KIF6: variants seen among roughly 807,000 people sequenced by gnomAD.
The protein encoded by KIF6 is kinesin-like protein KIF6.
Under a neutral mutation model 112.7 loss-of-function variants are expected in KIF6, and 106 were observed. That is an observed-to-expected ratio of 0.94 (90% CI 0.80 to 1.11). The LOEUF (loss-of-function observed/expected upper bound fraction) is 1.11. Among genes scored for constraint, KIF6 ranks in the 50% least tolerant of loss-of-function variants. KIF6 has a pLI of 0.00. For synonymous variants in KIF6, 339 were observed against 339.9 expected (o/e 1.00, Z 0.03); for missense variants, 929 against 964.0 (o/e 0.96, Z 0.48).
chr6:39,444,102 G>A (rs1772149182), intron 13 of KIF6, among the ~76,000 whole-genome samples: 1 of 152,120 alleles, frequency 6.6e-6, no homozygotes, highest in African/African-American at 2.4e-5. Context: ...CAATAACCGA[G>A]TCAACTAGGT....
chr6:39,349,340 AGATG>A (rs1764035518), intron 19 of KIF6, among the ~76,000 whole-genome samples: 1 of 152,152 alleles, frequency 6.6e-6, no homozygotes, highest in Non-Finnish European at 1.5e-5. Flanking sequence ...ACTCTCTCGG[AGATG>A]CCGGCGGATA....
chr6:39,502,757 C>T (rs139313595), intron 13 of KIF6, among the ~76,000 whole-genome samples: 231 of 152,232 alleles, frequency 1.5e-3, no homozygotes, highest in African/African-American at 5.0e-3. Flanking sequence ...AAGGGCATTA[C>T]GTAATGGTTA....
chr6:39,576,634 C>T (rs1780990050), intron 10 of KIF6, among the ~76,000 whole-genome samples: 1 of 152,158 alleles, frequency 6.6e-6, no homozygotes, highest in Admixed American at 6.5e-5. Flanking sequence ...TCAGTGGCTG[C>T]AGCGGCTGTC....
chr6:39,543,348 C>A (rs983913230), intron 12 of KIF6, among the ~76,000 whole-genome samples: 1 of 152,010 alleles, frequency 6.6e-6, no homozygotes, highest in Admixed American at 6.6e-5. Flanking sequence ...ACACCATGGG[C>A]AGCACTGACG....
chr6:39,347,755 TCTCA>T (rs1162724798), intron 19 of KIF6, among the ~76,000 whole-genome samples: 1 of 152,144 alleles, frequency 6.6e-6, no homozygotes, highest in African/African-American at 2.4e-5. Context: ...AAACTGCGTG[TCTCA>T]CTCATGAGTA....
chr6:39,551,871 A>G (rs1234085391), intron 10 of KIF6, among the ~76,000 whole-genome samples: 1 of 152,200 alleles, frequency 6.6e-6, no homozygotes, highest in Non-Finnish European at 1.5e-5. Flanking sequence ...TCTTTACACT[A>G]TTAGCTTTAC....
At chr6:39,620,689 G>A (rs1251017557) in intron 5 of KIF6, among the ~76,000 whole-genome samples, 4 of 152,074 alleles carry the variant, frequency 2.6e-5, no homozygotes, top group Non-Finnish European at 5.9e-5. Context: ...ACACTTTGCA[G>A]ATTTGTCATA....
chr6:39,572,659 CT>C (rs35901482), intron 10 of KIF6, among the ~76,000 whole-genome samples: 25,248 of 101,810 alleles, frequency 0.25, 3,191 homozygotes, highest in African/African-American at 0.39. Context: ...GATCTACAGG[CT>C]TTTTTTTTTT....
intron 13 of KIF6, among the ~76,000 whole-genome samples, chr6:39,478,917 AT>A (rs1444934620): frequency 8.6e-5 from 13 of 151,796 alleles, no homozygotes; most frequent in African/African-American, 3.1e-4. Context: ...AGAATTGTCT[AT>A]TCATGTCCTT....
intron 3 of KIF6, among the ~76,000 whole-genome samples, chr6:39,649,721 T>TAAAGAAAG (rs78847578): frequency 4.3e-3 from 256 of 59,416 alleles, no homozygotes; most frequent in South Asian, 0.018. Context: ...ACACTCTGAT[T>TAAAGAAAG]AAAGAAAGAA....
intron 13 of KIF6, among the ~76,000 whole-genome samples, chr6:39,514,610 C>CT (rs1776961873): frequency 6.6e-6 from 1 of 152,158 alleles, no homozygotes; most frequent in Admixed American, 6.5e-5. Context: ...ATTACTCAAA[C>CT]TTTAGTATGC....
chr6:39,457,225 G>A (rs1331580486), intron 13 of KIF6, among the ~76,000 whole-genome samples: 16 of 151,784 alleles, frequency 1.1e-4, no homozygotes, highest in African/African-American at 3.1e-4. Flanking sequence ...CTCACTCAAA[G>A]CCGCTCAACT....
intron 3 of KIF6, among the ~76,000 whole-genome samples, chr6:39,699,040 C>T (rs570307068): frequency 6.6e-6 from 1 of 152,302 alleles, no homozygotes; most frequent in East Asian, 1.9e-4. Flanking sequence ...TCATTCCACA[C>T]ATATTTACTG....
chr6:39,684,359 G>T (rs1787718663), intron 3 of KIF6, among the ~76,000 whole-genome samples: 1 of 152,016 alleles, frequency 6.6e-6, no homozygotes, highest in Non-Finnish European at 1.5e-5. Context: ...AAAATTACCT[G>T]TAATCCTAAC....
chr6:39,456,980 G>C, intron 13 of KIF6, among the ~76,000 whole-genome samples: 1 of 146,570 alleles, frequency 6.8e-6, no homozygotes, highest in Non-Finnish European at 1.5e-5. Context: ...AAGTCAACAA[G>C]GATACCCAGG....
intron 3 of KIF6, among the ~76,000 whole-genome samples, chr6:39,643,062 A>G (rs1345135084): frequency 6.6e-6 from 1 of 152,154 alleles, no homozygotes; most frequent in African/African-American, 2.4e-5. Context: ...TTTATCTTGG[A>G]ATGTCTTAAT....
intron 14 of KIF6, among the ~76,000 whole-genome samples, chr6:39,429,432 C>T (rs1457588045): frequency 3.9e-5 from 6 of 152,198 alleles, no homozygotes; most frequent in African/African-American, 1.4e-4. Context: ...CAGGGCTAAC[C>T]TCCACTGAGC....
chr6:39,519,994 C>T (rs1777298261), intron 13 of KIF6, among the ~76,000 whole-genome samples: 1 of 152,172 alleles, frequency 6.6e-6, no homozygotes, highest in South Asian at 2.1e-4. Context: ...TGCACTCCAG[C>T]CTGGGCAACA....
chr6:39,412,457 A>C (rs1769553179), intron 15 of KIF6, among the ~76,000 whole-genome samples: 1 of 152,198 alleles, frequency 6.6e-6, no homozygotes, highest in Non-Finnish European at 1.5e-5. Flanking sequence ...TCTTGTCAAA[A>C]TGTTCTTTCA....
Sources: gnomAD v4.1 joint callset for allele counts (sites outside exome capture counted in the v4.1 genomes callset) on GRCh38, gnomAD v4.1.1 for gene constraint, MANE v1.5 for transcripts, NCBI Gene and HGNC (gene_info 2026-07-23, HGNC 2026-07-21) for gene names.